TAOK3: variants seen among roughly 807,000 people sequenced by gnomAD.
TAOK3 encodes the protein serine/threonine-protein kinase TAO3.
In TAOK3, 40 loss-of-function variants were observed where a neutral mutation model predicts 120.4. The ratio of observed to expected loss-of-function variants is 0.33; its 90% CI spans 0.26 to 0.43. The LOEUF (loss-of-function observed/expected upper bound fraction) is 0.43, where lower values mean the gene tolerates loss of function less well. Among genes scored for constraint, TAOK3 ranks in the 20% least tolerant of loss-of-function variants. TAOK3 has a pLI of 1.00. For synonymous variants in TAOK3, 355 were observed against 387.5 expected, an observed-to-expected ratio of 0.92 and a Z score of 0.99; for missense variants, 821 against 1,112.1, an observed-to-expected ratio of 0.74 and a Z score of 3.72.
chr12:118,272,737 G>A lies in TAOK3; in HGVS notation c.-193-5978C>T, dbSNP rs192647111. Among the ~76,000 whole-genome samples the A allele has an allele frequency of 2.8e-3, 429 of 152,200 alleles. 4 individuals are homozygous for A. Among genetic ancestry groups the A allele is most frequent in the African/African-American group, 4.5e-3 (185 of 41,536 alleles). ...TGTAATCCTAGCACTTTGGGAGACC[G>A]AGGTGGGAGGGTTGCTTGAGTCCAG... On this transcript the variant is annotated intron_variant, in intron 1 of 20. Transcript: ENST00000392533.
intron 9 of TAOK3, among the ~76,000 whole-genome samples, chr12:118,225,487 T>C (rs1188838867): frequency 6.6e-6 from 1 of 152,104 alleles, no homozygotes; most frequent in Non-Finnish European, 1.5e-5. Context: ...AAAGAGATAC[T>C]TGTATGACTT....
chr12:118,196,021 G>A (rs2037704723), intron 13 of TAOK3, among the ~76,000 whole-genome samples: 1 of 151,830 alleles, frequency 6.6e-6, no homozygotes, highest in Non-Finnish European at 1.5e-5. Context: ...CTGCACTCCA[G>A]CCTGGGCGAC....
intron 9 of TAOK3, among the ~76,000 whole-genome samples, chr12:118,223,398 G>C (rs994851901): frequency 6.6e-6 from 1 of 151,498 alleles, no homozygotes; most frequent in African/African-American, 2.4e-5. Flanking sequence ...CCAGGCTGGA[G>C]TACAATGGCG....
chr12:118,193,635 G>A (rs2037552069), intron 13 of TAOK3, among the ~76,000 whole-genome samples: 2 of 152,140 alleles, frequency 1.3e-5, no homozygotes, highest in South Asian at 2.1e-4. Flanking sequence ...CCCTAATAGA[G>A]CTGGGGTCTC....
At chr12:118,170,636 G>A (rs2035942325) in intron 17 of TAOK3, among the ~76,000 whole-genome samples, 1 of 152,158 alleles carries the variant, frequency 6.6e-6, no homozygotes, top group Non-Finnish European at 1.5e-5. Flanking sequence ...GGTGGTGTGT[G>A]CCCGTAATCC....
chr12:118,226,780 G>A (rs1362845198), intron 9 of TAOK3, among the ~76,000 whole-genome samples: 2 of 152,158 alleles, frequency 1.3e-5, no homozygotes, highest in Non-Finnish European at 2.9e-5. Flanking sequence ...CTGATACAGA[G>A]AGCATGTAGT....
At chr12:118,277,465 AT>A (rs879370199) in intron 1 of TAOK3, among the ~76,000 whole-genome samples, 340 of 144,198 alleles carry the variant, frequency 2.4e-3, no homozygotes, top group African/African-American at 3.4e-3. Flanking sequence ...TCCACCATGT[AT>A]TTTTTTTTTT....
intron 1 of TAOK3, among the ~76,000 whole-genome samples, chr12:118,307,259 T>C (rs1027843969): frequency 1.3e-5 from 2 of 151,860 alleles, no homozygotes; most frequent in Non-Finnish European, 2.9e-5. Flanking sequence ...AGTTTTCTCT[T>C]TAAAATCATT....
intron 1 of TAOK3, among the ~76,000 whole-genome samples, chr12:118,348,308 G>C (rs2044966137): frequency 6.6e-6 from 1 of 152,198 alleles, no homozygotes; most frequent in Non-Finnish European, 1.5e-5. Flanking sequence ...AATATGACTT[G>C]CATCAGGATT....
intron 1 of TAOK3, among the ~76,000 whole-genome samples, chr12:118,317,083 C>T (rs925329663): frequency 9.2e-5 from 14 of 151,652 alleles, no homozygotes; most frequent in East Asian, 5.9e-4. Flanking sequence ...GCCAACATGG[C>T]GAAGCCCCGT....
rs966510704 is a variant in TAOK3 at position 118,249,557 on chromosome 12, G to T, written c.121-4592C>A. On this transcript the variant is annotated intron_variant, in intron 3 of 20. Coordinates refer to ENST00000392533, the MANE Select transcript of TAOK3 (RefSeq NM_016281.4). ...AGCCTAGGTGACAGAGTGAGATTTTGTCTAAAAAAAAAAAAAAAAAAATAG... is the reference window on the plus strand; with the variant it reads ...AGCCTAGGTGACAGAGTGAGATTTTTTCTAAAAAAAAAAAAAAAAAAATAG... 1.4e-4 allele frequency among the ~76,000 whole-genome samples: 19 copies of T among 136,126 alleles called. No homozygotes were observed. In the East Asian group the frequency reaches 3.6e-3, roughly 26 times the overall value. 89.3% of individuals were successfully genotyped at this position (136,126 alleles called of 152,430 possible).
intron 1 of TAOK3, among the ~76,000 whole-genome samples, chr12:118,329,111 A>G (rs2044044960): frequency 6.6e-6 from 1 of 152,214 alleles, no homozygotes; most frequent in African/African-American, 2.4e-5. Flanking sequence ...TAGAGAAGCC[A>G]AAAGATATTT....
At chr12:118,189,110 T>C (rs2037260966) in intron 14 of TAOK3, among the ~76,000 whole-genome samples, 1 of 152,222 alleles carries the variant, frequency 6.6e-6, no homozygotes, top group Non-Finnish European at 1.5e-5. Flanking sequence ...CAATCAGCCC[T>C]ATCCTCTCCT....
At chr12:118,320,633 A>C (rs1245835757) in intron 1 of TAOK3, among the ~76,000 whole-genome samples, 2 of 152,176 alleles carry the variant, frequency 1.3e-5, no homozygotes, top group Admixed American at 1.3e-4. Flanking sequence ...TATTGAGACC[A>C]GGGCTATTTT....
At chr12:118,300,596 C>G (rs1203236081) in intron 1 of TAOK3, among the ~76,000 whole-genome samples, 5 of 152,112 alleles carry the variant, frequency 3.3e-5, no homozygotes, top group Non-Finnish European at 7.4e-5. Flanking sequence ...CACACACTCA[C>G]ACACACTCAC....
At chr12:118,290,445 G>A (rs2042429677) in intron 1 of TAOK3, among the ~76,000 whole-genome samples, 1 of 152,100 alleles carries the variant, frequency 6.6e-6, no homozygotes, top group Non-Finnish European at 1.5e-5. Flanking sequence ...GCTAGGGTAG[G>A]TTTTTTTCCT....
intron 1 of TAOK3, among the ~76,000 whole-genome samples, chr12:118,347,564 C>T (rs747489064): frequency 2.0e-5 from 3 of 152,176 alleles, no homozygotes; most frequent in Non-Finnish European, 2.9e-5. Context: ...CCTTCCATAA[C>T]CTCTATGCCG....
chr12:118,272,162 G>A (rs1593368698), intron 1 of TAOK3, among the ~76,000 whole-genome samples: 1 of 152,040 alleles, frequency 6.6e-6, no homozygotes, highest in East Asian at 1.9e-4. Context: ...CACTGGTGGC[G>A]CATGCCTGTA....
At chr12:118,264,846 C>T (rs1005046143) in intron 2 of TAOK3, among the ~76,000 whole-genome samples, 1 of 151,920 alleles carries the variant, frequency 6.6e-6, no homozygotes, top group Admixed American at 6.6e-5. Flanking sequence ...CCAGCCTTGC[C>T]AACATGGTGA....
Sources: allele counts gnomAD v4.1 joint callset (sites outside exome capture counted in the v4.1 genomes callset), GRCh38; gene constraint gnomAD v4.1.1; transcripts MANE v1.5; gene names NCBI Gene and HGNC (gene_info 2026-07-23, HGNC 2026-07-21).